Variants in CNTN4 observed in about 807,000 individuals in gnomAD.
CNTN4 encodes the protein contactin 4, also known as contactin-4.
A neutral mutation model predicts 122.5 loss-of-function variants in CNTN4; 77 were observed. That is an observed-to-expected ratio of 0.63 (90% CI 0.52 to 0.76). The LOEUF (loss-of-function observed/expected upper bound fraction) is 0.76, where lower values mean the gene tolerates loss of function less well. CNTN4 is among the 30% of genes least tolerant of loss of function. The pLI, the probability that CNTN4 is intolerant of heterozygous loss-of-function variation, is 0.00. For synonymous variants in CNTN4, 512 were observed against 447.0 expected (o/e 1.15, Z -1.83); for missense variants, 1,256 against 1,259.1 (o/e 1.00, Z 0.04).
At chr3:2,579,683 G>C (rs890709952) in intron 4 of CNTN4, among the ~76,000 whole-genome samples, 3 of 152,154 alleles carry the variant, frequency 2.0e-5, no homozygotes, top group African/African-American at 7.2e-5. Flanking sequence ...ATTATTCATT[G>C]AGTAATTTAA....
intron 14 of CNTN4, among the ~76,000 whole-genome samples, chr3:3,022,633 T>C (rs2125606977): frequency 6.6e-6 from 1 of 152,352 alleles, no homozygotes; most frequent in African/African-American, 2.4e-5. Context: ...GGTTAATAAT[T>C]AACTCTTCCT....
chr3:3,047,490 A>G (rs577455929), intron 23 of CNTN4, among the ~76,000 whole-genome samples: 11,375 of 148,400 alleles, frequency 0.077, 524 homozygotes, highest in Admixed American at 0.093. Context: ...AAACCGCTCA[A>G]CTACATGGCA....
chr3:2,123,238 A>C lies in CNTN4; in HGVS notation c.-145+22599A>C, dbSNP rs115917605. 2.5e-3 allele frequency among the ~76,000 whole-genome samples: 386 copies of C among 152,284 alleles called. 1 individual carries two copies. The highest frequency in any genetic ancestry group is 8.7e-3 in the African/African-American group (363 of 41,568). ...CTCCAAAATGGGAATAACTATCCTC[A>C]CTTTACAATTTTGGAAATTTAAGTT... On this transcript the variant is annotated intron_variant, in intron 2 of 24. Coordinates refer to ENST00000418658, the MANE Select transcript of CNTN4 (RefSeq NM_175607.3).
At chr3:2,277,212 A>G (rs1346662251) in intron 2 of CNTN4, among the ~76,000 whole-genome samples, 2 of 152,196 alleles carry the variant, frequency 1.3e-5, no homozygotes, top group African/African-American at 4.8e-5. Flanking sequence ...TCTGATAAAC[A>G]TCATTTAAAT....
chr3:2,479,787 C>G (rs2075937559), intron 3 of CNTN4, among the ~76,000 whole-genome samples: 1 of 152,136 alleles, frequency 6.6e-6, no homozygotes, highest in Non-Finnish European at 1.5e-5. Flanking sequence ...GTTTCTCACA[C>G]TACCAAAATT....
chr3:3,042,957 C>G lies in CNTN4; in HGVS notation c.2512-20C>G. The G allele has an allele frequency of 1.2e-6, 2 of 1,604,996 alleles. No homozygotes were observed. Among genetic ancestry groups the G allele is most frequent in the Non-Finnish European group, 1.7e-6 (2 of 1,171,866 alleles). ...CCCCATTGGGTATGGTTTCCAAGGT[C>G]TTTCTGTTTATCTTCTTAGGTTAAA... On this transcript the variant is annotated intron_variant, in intron 21 of 24. Transcript: ENST00000418658.
rs185553127 is a variant in CNTN4, at chr3:2,244,474, G to T, written c.-144-94704G>T. ...GTGATATGTGCTGTAAGTGAAAAAT[G>T]AACATTAGGTTTCAGAAGATAAGTA... On this transcript the variant is annotated intron_variant, in intron 2 of 24. Coordinates refer to ENST00000418658, the MANE Select transcript of CNTN4 (RefSeq NM_175607.3). 1.3e-3 allele frequency among the ~76,000 whole-genome samples: 199 copies of T among 152,142 alleles called. 1 individual carries two copies. The highest frequency in any genetic ancestry group is 4.6e-3 in the African/African-American group (193 of 41,530).
intron 3 of CNTN4, among the ~76,000 whole-genome samples, chr3:2,347,998 C>T (rs1290596137): frequency 6.6e-6 from 1 of 151,252 alleles, no homozygotes; most frequent in East Asian, 1.9e-4. Flanking sequence ...TTTACTGTGC[C>T]AACTGAATTT....
intron 3 of CNTN4, among the ~76,000 whole-genome samples, chr3:2,470,070 C>CTT (rs35030608): frequency 8.2e-5 from 12 of 146,570 alleles, no homozygotes; most frequent in Admixed American, 2.0e-4. Context: ...ATGTTGCTTT[C>CTT]TTTTTTTTTT....
At chr3:2,613,076 C>T (rs1046119905) in intron 4 of CNTN4, among the ~76,000 whole-genome samples, 2 of 152,124 alleles carry the variant, frequency 1.3e-5, no homozygotes, top group Admixed American at 1.3e-4. Context: ...TGGTGCAATA[C>T]ATCATCCGTG....
At chr3:2,587,344 C>T (rs1199944080) in intron 4 of CNTN4, among the ~76,000 whole-genome samples, 2 of 152,134 alleles carry the variant, frequency 1.3e-5, no homozygotes, top group African/African-American at 2.4e-5. Context: ...TTTGCTAGAA[C>T]CTGATGTGAT....
intron 4 of CNTN4, among the ~76,000 whole-genome samples, chr3:2,574,969 A>G (rs1426137449): frequency 1.3e-5 from 2 of 152,274 alleles, no homozygotes; most frequent in African/African-American, 4.8e-5. Context: ...TCTGCAGGCT[A>G]GATGCAGTTC....
At chr3:2,274,584 A>C (rs542159672) in intron 2 of CNTN4, among the ~76,000 whole-genome samples, 2 of 152,250 alleles carry the variant, frequency 1.3e-5, no homozygotes, top group Non-Finnish European at 2.9e-5. Context: ...CAACCAATGA[A>C]TCACCATATT....
At chr3:2,149,834 C>G (rs2035414721) in intron 2 of CNTN4, among the ~76,000 whole-genome samples, 1 of 152,054 alleles carries the variant, frequency 6.6e-6, no homozygotes, top group Non-Finnish European at 1.5e-5. Flanking sequence ...GTGTAGTTGA[C>G]TTGTGTATTT....
At chr3:2,815,243 CCTAATTAAA>C (rs1203457332) in intron 6 of CNTN4, among the ~76,000 whole-genome samples, 6 of 152,108 alleles carry the variant, frequency 3.9e-5, no homozygotes, top group Non-Finnish European at 7.4e-5. Context: ...ATAGCTGGGA[CCTAATTAAA>C]CTAAAGAGCT....
chr3:2,220,684 ATTG>A (rs1328620899), intron 2 of CNTN4, among the ~76,000 whole-genome samples: 1 of 152,084 alleles, frequency 6.6e-6, no homozygotes, highest in Non-Finnish European at 1.5e-5. Context: ...ATATCTCCTC[ATTG>A]TTGTGATAAT....
At chr3:2,840,448 C>G (rs1172140740) in intron 7 of CNTN4, among the ~76,000 whole-genome samples, 3 of 150,914 alleles carry the variant, frequency 2.0e-5, no homozygotes, top group Non-Finnish European at 4.4e-5. Context: ...CGCCTGTCAT[C>G]CCAGCACTTT....
At chr3:2,636,920 CTTTGTT>C (rs2082680698) in intron 4 of CNTN4, among the ~76,000 whole-genome samples, 1 of 109,778 alleles carries the variant, frequency 9.1e-6, no homozygotes, top group African/African-American at 3.4e-5. Flanking sequence ...TTCTTTCTTT[CTTTGTT>C]TTTTTTTTTT....
chr3:2,362,185 C>T, intron 3 of CNTN4: 2 of 168,652 alleles, frequency 1.2e-5, no homozygotes, highest in Non-Finnish European at 2.5e-5. Flanking sequence ...ATCAGGGGTC[C>T]CTATATTCCA....
Sources: gnomAD v4.1 joint callset for allele counts (sites outside exome capture counted in the v4.1 genomes callset) on GRCh38, gnomAD v4.1.1 for gene constraint, MANE v1.5 for transcripts, NCBI Gene and HGNC (gene_info 2026-07-23, HGNC 2026-07-21) for gene names.